The following TAF2 variants were observed in gnomAD, a reference collection of about 807,000 sequenced individuals.
TAF2 encodes the protein TATA-box binding protein associated factor 2.
In TAF2, 61 loss-of-function variants were observed where a neutral mutation model predicts 138.5. The ratio of observed to expected loss-of-function variants is 0.44; its 90% CI spans 0.36 to 0.54. The LOEUF (loss-of-function observed/expected upper bound fraction) is 0.54. Among genes scored for constraint, TAF2 ranks in the 20% least tolerant of loss-of-function variants. TAF2 has a pLI of 0.00. For missense variants in TAF2, 1,090 were observed against 1,427.9 expected, an observed-to-expected ratio of 0.76 and a Z score of 3.81; for synonymous variants, 475 against 469.9, an observed-to-expected ratio of 1.01 and a Z score of -0.14.
intron 25 of TAF2, among the ~76,000 whole-genome samples, chr8:119,732,634 T>C (rs1348395432): frequency 2.0e-5 from 3 of 152,030 alleles, no homozygotes; most frequent in African/African-American, 7.2e-5. Flanking sequence ...TCAAACTCCA[T>C]CTTTACCAAA....
chr8:119,751,361 C>T (rs1820337811), intron 22 of TAF2, among the ~76,000 whole-genome samples: 1 of 152,348 alleles, frequency 6.6e-6, no homozygotes, highest in African/African-American at 2.4e-5. Context: ...AGATCCTAAT[C>T]TATCTTTCCA....
intron 25 of TAF2, among the ~76,000 whole-genome samples, chr8:119,737,240 ATTAGTAAGTTTT>A (rs1279016595): frequency 6.6e-6 from 1 of 152,176 alleles, no homozygotes; most frequent in Non-Finnish European, 1.5e-5. Context: ...ACATAAAAGA[ATTAGTAAGTTTT>A]TTAGGTATAA....
chr8:119,788,222 C>A (rs943159380), intron 14 of TAF2, 116 bp downstream of exon 14: 8 of 867,114 alleles, frequency 9.2e-6, no homozygotes, highest in South Asian at 1.4e-5. Context: ...ATGTATCCCA[C>A]AACTTAAAGT....
At chr8:119,798,061 A>G (rs1050422158) in intron 6 of TAF2, among the ~76,000 whole-genome samples, 5 of 152,196 alleles carry the variant, frequency 3.3e-5, no homozygotes, top group South Asian at 4.1e-4. Context: ...ACGGTGGATT[A>G]TAAGTCTGTG....
At chr8:119,819,667 A>AT (rs1236848118) in intron 2 of TAF2, among the ~76,000 whole-genome samples, 161 bp from the exon 3 acceptor site, 1 of 152,222 alleles carries the variant, frequency 6.6e-6, no homozygotes, top group Non-Finnish European at 1.5e-5. Context: ...TTCAAACATG[A>AT]TTGTCCTAGT....
intron 2 of TAF2, among the ~76,000 whole-genome samples, chr8:119,829,535 G>A (rs917485574): frequency 2.6e-5 from 4 of 151,972 alleles, no homozygotes; most frequent in East Asian, 1.9e-4. Flanking sequence ...GTGTGTGAGT[G>A]TGTGTGTATA....
At chr8:119,766,657 C>T (rs1305350156) in intron 18 of TAF2, among the ~76,000 whole-genome samples, 1 of 151,874 alleles carries the variant, frequency 6.6e-6, no homozygotes, top group African/African-American at 2.4e-5. Context: ...GAGTGTGGTA[C>T]AAAAATTAGC....
chr8:119,796,690 T>C (rs907610226), intron 8 of TAF2, among the ~76,000 whole-genome samples: 27 of 152,136 alleles, frequency 1.8e-4, no homozygotes, highest in African/African-American at 6.3e-4. Context: ...GAAGTGATTA[T>C]ATTGATTTCA....
At chr8:119,762,292 A>C in intron 19 of TAF2, 123 bp downstream of exon 19, 1 of 900,840 alleles carries the variant, frequency 1.1e-6, no homozygotes. Context: ...TGGGTGGTAG[A>C]ATCATACAGA....
chr8:119,744,337 C>T lies in TAF2; in HGVS notation c.3165G>A (p.Gln1055=). The T allele has an allele frequency of 6.8e-6, 11 of 1,613,764 alleles. No homozygotes were observed. Among genetic ancestry groups the T allele is most frequent in the Non-Finnish European group, 9.3e-6 (11 of 1,179,900 alleles). Residue 1055 remains glutamine, a synonymous_variant, in exon 24 of 26, where the codon CAG becomes CAA. Transcript: ENST00000378164. The part of the protein sequence containing the change: ...EIDMDTVHDS[Q]AFISHHLNML... Reference sequence around the variant, plus strand: ...TGTTTAAATGATGGGAAATGAAGGCCTGGCTATCATGAACAGTATCCATAT... The same window carrying T: ...TGTTTAAATGATGGGAAATGAAGGCTTGGCTATCATGAACAGTATCCATAT...
chr8:119,781,086 G>A lies in TAF2; in HGVS notation c.2220C>T (p.Asn740=). The A allele has an allele frequency of 6.2e-7, 1 of 1,613,682 alleles. No individual in the cohort carries two copies. The highest frequency in any genetic ancestry group is 8.5e-7 in the Non-Finnish European group (1 of 1,179,960). Residue 740 remains asparagine (N), a synonymous_variant, in exon 17 of 26, where the codon AAC becomes AAT. Coordinates refer to ENST00000378164, the MANE Select transcript of TAF2 (RefSeq NM_003184.4). The part of the protein sequence containing the change: ...KSCPNIVKTN[N]FMSFQSYFLQ... ...GAAAATAGCTTTGAAAGCTCATAAA[G>A]TTGTTTGTTTTCACAATGTTTGGAC...
chr8:119,769,828 G>A (rs12541831), intron 18 of TAF2, among the ~76,000 whole-genome samples: 13,073 of 151,482 alleles, frequency 0.086, 755 homozygotes, highest in Non-Finnish European at 0.12. Flanking sequence ...CGCGATCTCG[G>A]CTCACTGCAA....
intron 8 of TAF2, among the ~76,000 whole-genome samples, chr8:119,796,492 C>G (rs1310338118): frequency 6.6e-6 from 1 of 151,998 alleles, no homozygotes; most frequent in Non-Finnish European, 1.5e-5. Context: ...GTAGGCAAAT[C>G]CCTAAATAAT....
At chr8:119,737,626 A>G (rs987286217) in intron 25 of TAF2, among the ~76,000 whole-genome samples, 4 of 150,776 alleles carry the variant, frequency 2.7e-5, no homozygotes, top group Non-Finnish European at 4.4e-5. Context: ...CTCCTGCCTC[A>G]GCCTCCCGAG....
At chr8:119,771,424 C>T (rs1821828549) in intron 18 of TAF2, among the ~76,000 whole-genome samples, 2 of 151,864 alleles carry the variant, frequency 1.3e-5, no homozygotes, top group Admixed American at 6.6e-5. Flanking sequence ...TCAGTAGAGA[C>T]GAGGTTTCAC....
At chr8:119,780,803 T>C (rs1200688061) in intron 17 of TAF2, among the ~76,000 whole-genome samples, 3 of 151,584 alleles carry the variant, frequency 2.0e-5, no homozygotes, top group Non-Finnish European at 4.4e-5. Context: ...GGCATGGTGG[T>C]GAGCGCCTGT....
intron 3 of TAF2, among the ~76,000 whole-genome samples, chr8:119,816,582 AAAGT>A (rs1304081166): frequency 6.6e-6 from 1 of 152,242 alleles, no homozygotes; most frequent in African/African-American, 2.4e-5. Context: ...TTAAAGAAAG[AAAGT>A]TATTTTAGAA....
At chr8:119,804,624 T>C (rs1161206194) in intron 4 of TAF2, among the ~76,000 whole-genome samples, 1 of 152,222 alleles carries the variant, frequency 6.6e-6, no homozygotes, top group Non-Finnish European at 1.5e-5. Context: ...TTGCTCTTCC[T>C]TGCCTTCTGC....
intron 4 of TAF2, among the ~76,000 whole-genome samples, chr8:119,804,442 G>A (rs1394416248): frequency 6.6e-6 from 1 of 152,128 alleles, no homozygotes; most frequent in Non-Finnish European, 1.5e-5. Flanking sequence ...CTCCCATGTG[G>A]TATGGGAGGG....
Sources: allele counts gnomAD v4.1 joint callset (sites outside exome capture counted in the v4.1 genomes callset), GRCh38; gene constraint gnomAD v4.1.1; transcripts MANE v1.5; gene names NCBI Gene and HGNC (gene_info 2026-07-23, HGNC 2026-07-21).